The following GPC3 variants were observed in gnomAD, a reference collection of about 807,000 sequenced individuals.
The protein encoded by GPC3 is glypican 3, also known as glypican-3.
Under a neutral mutation model 34.4 loss-of-function variants are expected in GPC3, and 3 were observed. That is an observed-to-expected ratio of 0.09 (90% CI 0.04 to 0.23). The LOEUF (loss-of-function observed/expected upper bound fraction) is 0.23, where lower values mean the gene tolerates loss of function less well. Among genes scored for constraint, GPC3 ranks in the 10% least tolerant of loss-of-function variants. The probability of loss-of-function intolerance (pLI) is 1.00; values close to 1 mark genes in which losing one functional copy is unlikely to be tolerated. For synonymous variants in GPC3, 177 were observed against 174.0 expected, an observed-to-expected ratio of 1.02 and a Z score of -0.13; for missense variants, 351 against 445.6, an observed-to-expected ratio of 0.79 and a Z score of 1.91.
rs1357007941 is a variant in GPC3 at position 133,753,525 on chromosome X, G to C, written c.989C>G (p.Ser330Cys). 1 of 1,210,403 alleles carries C rather than the reference G, an allele frequency of 8.3e-7. No individual in the cohort carries two copies. Among genetic ancestry groups the C allele is most frequent in the Non-Finnish European group, 1.1e-6 (1 of 894,298 alleles). The change falls in exon 3 of 8, where the codon TCT (serine) becomes TGT (cysteine). Residue 330 changes from serine (S) to cysteine (C), a missense_variant. By Grantham distance (112) the Ser-to-Cys change is moderately radical. Coordinates refer to ENST00000370818, the MANE Select transcript of GPC3 (RefSeq NM_004484.4). The stretch of plus-strand genomic sequence containing the variant: ...TGCATTCTTCTGGACATACTGGATA[G>C]AATCATGGATTGTTGAAAAGAGACC... ...LLGLFSTIHD[S>C]IQYVQKNAGK... is the part of the protein sequence containing the mutation.
chrX:133,940,659 A>C (rs1016368180), intron 2 of GPC3, among the ~76,000 whole-genome samples: 2 of 111,735 alleles, frequency 1.8e-5, no homozygotes, highest in Non-Finnish European at 3.8e-5. Context: ...AAGAAGGCTT[A>C]ATTTTTTGCA....
chrX:133,878,326 C>T (rs2076026200), intron 2 of GPC3, among the ~76,000 whole-genome samples: 1 of 110,420 alleles, frequency 9.1e-6, no homozygotes, highest in African/African-American at 3.3e-5. Flanking sequence ...ACTTGGGAGG[C>T]CGAGGCAGGA....
At chrX:133,900,839 G>C (rs2076140936) in intron 2 of GPC3, among the ~76,000 whole-genome samples, 1 of 111,900 alleles carries the variant, frequency 8.9e-6, no homozygotes, top group South Asian at 3.8e-4. Flanking sequence ...AATTGTGCTA[G>C]AGCTGACAAA....
intron 7 of GPC3, among the ~76,000 whole-genome samples, chrX:133,543,052 C>T (rs920012865): frequency 5.4e-5 from 6 of 111,762 alleles, no homozygotes; most frequent in African/African-American, 2.0e-4. Flanking sequence ...ATGAGGAGGA[C>T]AAGAAATACT....
chrX:133,727,605 T>G (rs1331123180), intron 3 of GPC3, among the ~76,000 whole-genome samples: 1 of 111,646 alleles, frequency 9.0e-6, no homozygotes, highest in African/African-American at 3.3e-5. Flanking sequence ...TTCTTCCTTT[T>G]GACTCCTTTG....
intron 6 of GPC3, among the ~76,000 whole-genome samples, chrX:133,635,086 T>C (rs1363100735): frequency 3.6e-5 from 4 of 111,602 alleles, no homozygotes; most frequent in Non-Finnish European, 7.5e-5. Context: ...TGACACTTTT[T>C]AAAATGAAAT....
At chrX:133,878,954 G>A (rs892080168) in intron 2 of GPC3, among the ~76,000 whole-genome samples, 18 of 111,929 alleles carry the variant, frequency 1.6e-4, no homozygotes, top group African/African-American at 5.5e-4. Flanking sequence ...TGCTAAAGAA[G>A]AGAGTAATGC....
chrX:133,951,399 C>A (rs1367593727), intron 2 of GPC3, among the ~76,000 whole-genome samples: 2 of 110,848 alleles, frequency 1.8e-5, no homozygotes, highest in Non-Finnish European at 3.8e-5. Flanking sequence ...TATGATCACT[C>A]TACCACTCCC....
chrX:133,858,984 G>A (rs1387268645), intron 2 of GPC3, among the ~76,000 whole-genome samples: 2 of 108,219 alleles, frequency 1.8e-5, no homozygotes, highest in African/African-American at 6.8e-5. Flanking sequence ...GGGAGGCTGA[G>A]GCAGGAGAAT....
At chrX:133,877,808 G>C (rs1257344509) in intron 2 of GPC3, among the ~76,000 whole-genome samples, 1 of 111,902 alleles carries the variant, frequency 8.9e-6, no homozygotes, top group Admixed American at 9.5e-5. Context: ...ACAGTAAATA[G>C]TGGGAAAAGC....
chrX:133,980,581 AT>A (rs2076534026), intron 1 of GPC3, among the ~76,000 whole-genome samples: 1 of 112,430 alleles, frequency 8.9e-6, no homozygotes, highest in African/African-American at 3.2e-5. Flanking sequence ...TCACAAAAAA[AT>A]GTACAAATTC....
intron 3 of GPC3, among the ~76,000 whole-genome samples, chrX:133,731,171 G>T (rs2071459411): frequency 8.9e-6 from 1 of 112,370 alleles, no homozygotes; most frequent in Non-Finnish European, 1.9e-5. Flanking sequence ...TTGAAGAACA[G>T]ACCATTAAGG....
intron 7 of GPC3, among the ~76,000 whole-genome samples, chrX:133,553,698 T>A (rs1257129600): frequency 8.9e-6 from 1 of 111,918 alleles, no homozygotes; most frequent in Non-Finnish European, 1.9e-5. Flanking sequence ...CTTGGAATAA[T>A]ATTTTGCCCT....
chrX:133,615,378 G>A (rs1226563364), intron 6 of GPC3, among the ~76,000 whole-genome samples: 3 of 111,493 alleles, frequency 2.7e-5, no homozygotes, highest in Non-Finnish European at 5.6e-5. Context: ...GGAATTCAAG[G>A]TTGGTTGAGT....
chrX:133,957,710 T>A (rs1014810475), intron 1 of GPC3, among the ~76,000 whole-genome samples: 1 of 111,670 alleles, frequency 9.0e-6, no homozygotes, highest in Admixed American at 9.5e-5. Context: ...ACAAAAGACA[T>A]ACTAAATACA....
At chrX:133,720,607 G>A (rs2071355298) in intron 3 of GPC3, among the ~76,000 whole-genome samples, 4 of 111,892 alleles carry the variant, frequency 3.6e-5, no homozygotes, top group African/African-American at 9.7e-5. Flanking sequence ...TCTTGGGTAT[G>A]TCTTTATCAG....
At chrX:133,927,224 T>C (rs755679576) in intron 2 of GPC3, among the ~76,000 whole-genome samples, 10 of 111,255 alleles carry the variant, frequency 9.0e-5, no homozygotes, top group Non-Finnish European at 1.9e-4. Flanking sequence ...GTTTTTTTTT[T>C]AAAGTACAAA....
At chrX:133,857,121 G>A (rs1004875823) in intron 2 of GPC3, among the ~76,000 whole-genome samples, 2 of 110,777 alleles carry the variant, frequency 1.8e-5, no homozygotes, top group Non-Finnish European at 3.8e-5. Context: ...CTCTACAGAC[G>A]ACTCCCAAAT....
At chrX:133,829,336 T>C (rs1400166739) in intron 2 of GPC3, among the ~76,000 whole-genome samples, 2 of 112,285 alleles carry the variant, frequency 1.8e-5, no homozygotes, top group East Asian at 5.5e-4. Context: ...TTGGCAGAAT[T>C]GAAGAAAGAA....
Sources: allele counts gnomAD v4.1 joint callset (sites outside exome capture counted in the v4.1 genomes callset), GRCh38; gene constraint gnomAD v4.1.1; transcripts MANE v1.5; gene names NCBI Gene and HGNC (gene_info 2026-07-23, HGNC 2026-07-21).